RBFOX1: variants seen among roughly 807,000 people sequenced by gnomAD.
RBFOX1 encodes the protein RNA binding fox-1 homolog 1, also known as RNA binding protein fox-1 homolog 1.
A neutral mutation model predicts 57.7 loss-of-function variants in RBFOX1; 8 were observed. The observed-to-expected ratio is 0.14, with a 90% CI of 0.08 to 0.25. The LOEUF is 0.25. Ranked by LOEUF, RBFOX1 falls within the 10% of genes least tolerant of loss-of-function variation. The pLI is 1.00. For synonymous variants in RBFOX1, 326 were observed against 222.4 expected, an observed-to-expected ratio of 1.47 and a Z score of -4.15; for missense variants, 611 against 548.5, an observed-to-expected ratio of 1.11 and a Z score of -1.14.
chr16:5,958,454 A>G lies in RBFOX1; in HGVS notation c.351+91119A>G, dbSNP rs146081453. Among the ~76,000 whole-genome samples the G allele has an allele frequency of 8.4e-4, 128 of 152,312 alleles. 1 individual carries two copies. Among genetic ancestry groups the G allele is most frequent in the African/African-American group, 2.7e-3 (113 of 41,580 alleles). Reference sequence around the variant, plus strand: ...GTCTGATGCCAGACCACCACAGTCCATTCCATGGGTCTGCCAATTATTAGG... The same window carrying G: ...GTCTGATGCCAGACCACCACAGTCCGTTCCATGGGTCTGCCAATTATTAGG... On this transcript the variant is annotated intron_variant, in intron 4 of 19. Coordinates refer to the RBFOX1 transcript ENST00000641259.
chr16:7,262,627 G>A (rs1240456870), intron 4 of RBFOX1, among the ~76,000 whole-genome samples: 1 of 152,230 alleles, frequency 6.6e-6, no homozygotes, highest in East Asian at 1.9e-4. Context: ...GCTCATCTCT[G>A]CAGCTTTGAT....
intron 3 of RBFOX1, among the ~76,000 whole-genome samples, chr16:5,847,632 T>G (rs562397087): frequency 4.7e-4 from 72 of 152,170 alleles, no homozygotes; most frequent in Non-Finnish European, 9.6e-4. Context: ...GTTTGTTCTT[T>G]CTGGAGACTT....
chr16:5,514,435 C>T (rs1219139775), intron 2 of RBFOX1, among the ~76,000 whole-genome samples: 1 of 152,166 alleles, frequency 6.6e-6, no homozygotes, highest in African/African-American at 2.4e-5. Context: ...CTGCTGCCTT[C>T]TCCTGGACAA....
chr16:6,305,014 G>T (rs772521942), intron 1 of RBFOX1, among the ~76,000 whole-genome samples: 1 of 152,214 alleles, frequency 6.6e-6, no homozygotes, highest in Non-Finnish European at 1.5e-5. Flanking sequence ...GAATCTGTTG[G>T]GAAGGGGTGA....
chr16:7,628,204 A>G (rs1266418343), intron 10 of RBFOX1, among the ~76,000 whole-genome samples: 1 of 152,154 alleles, frequency 6.6e-6, no homozygotes, highest in Non-Finnish European at 1.5e-5. Context: ...AAGAAACTTC[A>G]TAGCTGATTT....
In RBFOX1 at chr16:7,307,594, C is replaced by A. The variant is rs150439269; in HGVS notation, c.28-210553C>A. ...TTACAGCTACGATTTCTTTTCTTTT[C>A]TCCTTCTCCTCTTTTTTCCTCCACA... is the stretch of plus-strand genomic sequence containing the variant. On this transcript the variant is annotated intron_variant, in intron 4 of 15. Coordinates refer to ENST00000550418, the MANE Select transcript of RBFOX1 (RefSeq NM_018723.4). Among the ~76,000 whole-genome samples the A allele has an allele frequency of 3.2e-3, 489 of 152,244 alleles. 5 individuals are homozygous for A. Among genetic ancestry groups the A allele is most frequent in the African/African-American group, 0.011 (472 of 41,540 alleles).
At chr16:7,468,462 T>G (rs1039055778) in intron 4 of RBFOX1, among the ~76,000 whole-genome samples, 5 of 151,526 alleles carry the variant, frequency 3.3e-5, no homozygotes, top group African/African-American at 4.8e-5. Context: ...AGGGTGTTTT[T>G]TTTTTTTTTT....
intron 1 of RBFOX1, among the ~76,000 whole-genome samples, chr16:6,218,143 C>G (rs565384106): frequency 1.3e-4 from 20 of 152,166 alleles, no homozygotes; most frequent in African/African-American, 4.8e-4. Flanking sequence ...TATTTTTAAC[C>G]AGATCATTTG....
intron 4 of RBFOX1, among the ~76,000 whole-genome samples, chr16:7,065,743 C>G (rs572339561): frequency 1.3e-4 from 20 of 152,232 alleles, no homozygotes; most frequent in African/African-American, 4.8e-4. Context: ...CACAGTAGAT[C>G]TGATGAACTC....
chr16:5,307,433 G>A (rs1305423743), intron 1 of RBFOX1, among the ~76,000 whole-genome samples: 1 of 152,138 alleles, frequency 6.6e-6, no homozygotes. Context: ...TCGTGGTGAA[G>A]TTAAAATAAA....
intron 3 of RBFOX1, among the ~76,000 whole-genome samples, chr16:6,678,899 C>A (rs1337951428): frequency 6.6e-6 from 1 of 152,068 alleles, no homozygotes; most frequent in Non-Finnish European, 1.5e-5. Context: ...TGAATTCCAC[C>A]CTTCTTACAT....
intron 2 of RBFOX1, among the ~76,000 whole-genome samples, chr16:6,548,322 G>A (rs1474197038): frequency 6.6e-6 from 1 of 152,176 alleles, no homozygotes; most frequent in Admixed American, 6.5e-5. Context: ...AAACAGAGTG[G>A]TGCTTAAAAG....
intron 1 of RBFOX1, among the ~76,000 whole-genome samples, chr16:5,363,678 G>C (rs1036728072): frequency 3.3e-5 from 5 of 152,140 alleles, no homozygotes; most frequent in African/African-American, 1.2e-4. Context: ...TTTGGAAATT[G>C]CTTGTGAAAT....
chr16:6,577,661 T>C (rs2097460946), intron 2 of RBFOX1, among the ~76,000 whole-genome samples: 3 of 152,164 alleles, frequency 2.0e-5, no homozygotes, highest in Admixed American at 2.0e-4. Flanking sequence ...TGTCAATAAG[T>C]AGTTCCACAT....
intron 3 of RBFOX1, among the ~76,000 whole-genome samples, chr16:6,691,786 T>A (rs1204698470): frequency 6.6e-6 from 1 of 152,162 alleles, no homozygotes; most frequent in East Asian, 1.9e-4. Flanking sequence ...TTGAGGAAAA[T>A]TAATTATCCA....
At chr16:6,175,370 C>T (rs1051721170) in intron 1 of RBFOX1, among the ~76,000 whole-genome samples, 10 of 152,038 alleles carry the variant, frequency 6.6e-5, no homozygotes, top group Admixed American at 5.2e-4. Flanking sequence ...ATTTCTTCTC[C>T]TGGAGATTTA....
At chr16:6,448,696 A>G (rs1258051552) in intron 2 of RBFOX1, among the ~76,000 whole-genome samples, 1 of 152,134 alleles carries the variant, frequency 6.6e-6, no homozygotes, top group Non-Finnish European at 1.5e-5. Flanking sequence ...TGAGACTGTC[A>G]TTTAGGATAT....
intron 5 of RBFOX1, among the ~76,000 whole-genome samples, chr16:7,549,017 A>G (rs2085490771): frequency 6.6e-6 from 1 of 152,350 alleles, no homozygotes; most frequent in South Asian, 2.1e-4. Flanking sequence ...GCTAGCCCAG[A>G]TGGTGATAGG....
chr16:6,922,917 C>A (rs1285396886), intron 3 of RBFOX1, among the ~76,000 whole-genome samples: 1 of 152,112 alleles, frequency 6.6e-6, no homozygotes, highest in Non-Finnish European at 1.5e-5. Context: ...GTCTGTATTT[C>A]CTTTTGGCCA....
Sources: gnomAD v4.1 joint callset for allele counts (sites outside exome capture counted in the v4.1 genomes callset) on GRCh38, gnomAD v4.1.1 for gene constraint, MANE v1.5 for transcripts, NCBI Gene and HGNC (gene_info 2026-07-23, HGNC 2026-07-21) for gene names.